The following RGS17 variants were observed in gnomAD, a reference collection of about 807,000 sequenced individuals.
The protein encoded by RGS17 is regulator of G protein signaling 17.
Under a neutral mutation model 25.5 loss-of-function variants are expected in RGS17, and 12 were observed. That is an observed-to-expected ratio of 0.47 (90% confidence interval 0.30 to 0.76). RGS17 has a LOEUF of 0.76. Ranked by LOEUF, RGS17 falls within the 30% of genes least tolerant of loss-of-function variation. The pLI, the probability that RGS17 is intolerant of heterozygous loss-of-function variation, is 0.07. For synonymous variants in RGS17, 71 were observed against 76.9 expected (o/e 0.92, Z 0.40); for missense variants, 196 against 242.2 (o/e 0.81, Z 1.27).
chr6:153,100,706 A>G (rs1329233579), intron 1 of RGS17, among the ~76,000 whole-genome samples: 4 of 152,180 alleles, frequency 2.6e-5, no homozygotes, highest in Non-Finnish European at 5.9e-5. Context: ...AAGTCGTTAA[A>G]TCAAGTTTAG....
At chr6:153,077,855 CA>C (rs1776906056) in intron 1 of RGS17, among the ~76,000 whole-genome samples, 1 of 150,118 alleles carries the variant, frequency 6.7e-6, no homozygotes, top group Non-Finnish European at 1.5e-5. Context: ...CTAATGTGAG[CA>C]AATGACTTAC....
intron 1 of RGS17, among the ~76,000 whole-genome samples, chr6:153,053,916 TA>T (rs1776497147): frequency 9.4e-6 from 1 of 105,958 alleles, no homozygotes; most frequent in African/African-American, 3.9e-5. Flanking sequence ...ACACACATTA[TA>T]TATATATGTA....
chr6:153,116,590 G>C (rs1302910981), intron 1 of RGS17, among the ~76,000 whole-genome samples: 3 of 152,052 alleles, frequency 2.0e-5, no homozygotes, highest in African/African-American at 7.2e-5. Context: ...ACCAAAAGGA[G>C]TATAAATCAT....
intron 1 of RGS17, among the ~76,000 whole-genome samples, chr6:153,107,552 T>G (rs201426857): frequency 6.6e-6 from 1 of 150,446 alleles, no homozygotes; most frequent in Admixed American, 6.6e-5. Flanking sequence ...AAAAAAAAAA[T>G]TCAAGTACAA....
At chr6:153,039,021 C>G (rs1776287949) in intron 2 of RGS17, among the ~76,000 whole-genome samples, 1 of 152,104 alleles carries the variant, frequency 6.6e-6, no homozygotes, top group South Asian at 2.1e-4. Context: ...AGTCTGTGAC[C>G]AATTTCTCTT....
intron 1 of RGS17, among the ~76,000 whole-genome samples, chr6:153,045,216 A>C (rs1377624928): frequency 3.3e-5 from 5 of 152,222 alleles, no homozygotes; most frequent in African/African-American, 1.2e-4. Context: ...GTCTAAAGCC[A>C]CAGTAATTCT....
chr6:153,077,924 G>T (rs1346693003), intron 1 of RGS17, among the ~76,000 whole-genome samples: 2 of 151,630 alleles, frequency 1.3e-5, no homozygotes, highest in Admixed American at 1.3e-4. Context: ...CCCAAGCTGG[G>T]GTGCAATGGC....
rs755606279 is a variant in RGS17, at chr6:153,011,700, G to A, written c.507C>T (p.His169=). Residue 169 remains histidine (H), a synonymous_variant, in exon 5 of 5, where the codon CAC becomes CAT. Coordinates refer to ENST00000206262, the MANE Select transcript of RGS17 (RefSeq NM_012419.5). ...INRNLLDPNP[H]MYEDAQLQIY... ...TCTGAAGTTGGGCATCTTCATACAT[G>A]TGAGGATTGGGATCCAACAGATTTC... The A allele has an allele frequency of 5.0e-6, 8 of 1,612,818 alleles. No individual in the cohort carries two copies. In the African/African-American group the frequency reaches 1.1e-4, roughly 22 times the overall value.
chr6:153,034,656 T>C (rs1251760811), intron 2 of RGS17, among the ~76,000 whole-genome samples: 1 of 152,176 alleles, frequency 6.6e-6, no homozygotes, highest in African/African-American at 2.4e-5. Flanking sequence ...TGTACTCAGG[T>C]CTGTAAAATT....
intron 1 of RGS17, among the ~76,000 whole-genome samples, chr6:153,075,775 T>C (rs1167079969): frequency 1.3e-5 from 2 of 152,152 alleles, no homozygotes; most frequent in Admixed American, 6.5e-5. Context: ...AAATGAGAAA[T>C]GAAAAAGAAA....
intron 1 of RGS17, 91 bp from the exon 2 acceptor site, chr6:153,044,134 A>T: frequency 1.4e-6 from 1 of 690,392 alleles, no homozygotes; most frequent in African/African-American, 1.9e-5. Context: ...CTAAGGAAGG[A>T]GGGAGGTAAT....
chr6:153,129,174 T>G (rs1482038147), intron 1 of RGS17, among the ~76,000 whole-genome samples: 1 of 152,216 alleles, frequency 6.6e-6, no homozygotes, highest in Admixed American at 6.5e-5. Context: ...CTAAATAAAC[T>G]ACTCTCCTAT....
intron 2 of RGS17, among the ~76,000 whole-genome samples, chr6:153,039,621 T>C (rs934891546): frequency 6.6e-6 from 1 of 152,222 alleles, no homozygotes; most frequent in African/African-American, 2.4e-5. Flanking sequence ...GAAGATTTTA[T>C]GTGAAAAAGT....
intron 3 of RGS17, 124 bp downstream of exon 3, chr6:153,026,330 T>C (rs7751363): frequency 5.6e-6 from 3 of 534,356 alleles, no homozygotes; most frequent in Non-Finnish European, 9.6e-6. Flanking sequence ...CAGATTGAAT[T>C]TGCATTCACT....
At chr6:153,043,195 G>A (rs558836262) in intron 2 of RGS17, among the ~76,000 whole-genome samples, 1 of 152,236 alleles carries the variant, frequency 6.6e-6, no homozygotes, top group South Asian at 2.1e-4. Context: ...TTGCCAATGA[G>A]GAAATCAAAG....
intron 2 of RGS17, among the ~76,000 whole-genome samples, chr6:153,036,921 G>A (rs1268082842): frequency 6.6e-6 from 1 of 151,860 alleles, no homozygotes; most frequent in African/African-American, 2.4e-5. Context: ...CATTCCCTCA[G>A]GAGAATACTT....
At position 153,117,336 on chromosome 6, in the gene RGS17, C is replaced by T. The variant is rs187507680; in HGVS notation, c.-26+13788G>A. Among the ~76,000 whole-genome samples, 1,364 of 152,144 alleles carry T rather than the reference C, an allele frequency of 9.0e-3. 7 individuals carry two copies. The highest frequency in any genetic ancestry group is 0.014 in the Non-Finnish European group (975 of 67,994). On this transcript the variant is annotated intron_variant, in intron 1 of 4. Transcript: ENST00000206262. The stretch of plus-strand genomic sequence containing the variant: ...ATCATGAAAACAGCATGGGGAAAAC[C>T]GCCCCCATGATCCAATCAGCACCCA...
intron 1 of RGS17, among the ~76,000 whole-genome samples, chr6:153,057,248 C>T (rs1776573755): frequency 2.0e-5 from 3 of 151,928 alleles, no homozygotes; most frequent in Admixed American, 1.3e-4. Context: ...AAAGAATGCT[C>T]CTCCATCTTT....
chr6:153,101,791 A>ACT (rs112427467), intron 1 of RGS17, among the ~76,000 whole-genome samples: 127,605 of 150,174 alleles, frequency 0.85, 54,490 homozygotes, highest in African/African-American at 0.95. Context: ...TTCCCCCTTC[A>ACT]CTCTCTCTCT....
Sources: allele counts gnomAD v4.1 joint callset (sites outside exome capture counted in the v4.1 genomes callset), GRCh38; gene constraint gnomAD v4.1.1; transcripts MANE v1.5; gene names NCBI Gene and HGNC (gene_info 2026-07-23, HGNC 2026-07-21).